RANBP17: variants seen among roughly 807,000 people sequenced by gnomAD.
RANBP17 encodes the protein RAN binding protein 17.
A neutral mutation model predicts 141.2 loss-of-function variants in RANBP17; 158 were observed. The ratio of observed to expected loss-of-function variants is 1.12; its 90% CI spans 0.98 to 1.28. The LOEUF (loss-of-function observed/expected upper bound fraction) is 1.28, where lower values mean the gene tolerates loss of function less well. Ranked by LOEUF, RANBP17 falls within the 50% of genes most tolerant of loss-of-function variation. RANBP17 has a pLI of 0.00. For synonymous variants in RANBP17, 430 were observed against 450.0 expected (o/e 0.96, Z 0.56); for missense variants, 1,438 against 1,290.7 (o/e 1.11, Z -1.75).
chr5:170,918,776 T>C lies in RANBP17; in HGVS notation c.1018T>C (p.Tyr340His). The C allele has an allele frequency of 6.2e-7, 1 of 1,607,632 alleles. No individual in the cohort carries two copies. Among genetic ancestry groups the C allele is most frequent in the South Asian group, 1.1e-5 (1 of 90,392 alleles). The part of the protein sequence containing the change: ...CRFLARLKTN[Y>H]QLGELVMVKE... Reference sequence around the variant, plus strand: ...ATTTTTGGCTCGTTTAAAGACAAATTATCAGCTGGGAGAATTAGTTATGGT... The same window carrying C: ...ATTTTTGGCTCGTTTAAAGACAAATCATCAGCTGGGAGAATTAGTTATGGT... The change falls in exon 10 of 28, where the codon TAT becomes CAT. Residue 340 changes from tyrosine to histidine, a missense_variant. Transcript: ENST00000523189.
At chr5:170,919,359 G>A in intron 10 of RANBP17, 82 bp from the exon 11 acceptor site, 2 of 953,616 alleles carry the variant, frequency 2.1e-6, no homozygotes, top group Non-Finnish European at 3.0e-6. Flanking sequence ...ATTTAAAAAT[G>A]TATGTTTAGT....
chr5:171,100,311 T>C lies in RANBP17; in HGVS notation c.1711-69819T>C, dbSNP rs180826958. 1.3e-3 allele frequency among the ~76,000 whole-genome samples: 202 copies of C among 152,336 alleles called. 1 individual carries two copies. The highest frequency in any genetic ancestry group is 1.9e-3 in the South Asian group (9 of 4,830). ...CTGGTCTATTCAGGGATTTGACTTA[T>C]TCCTGGTTTAGTCTTGGGAAGTTGT... On this transcript the variant is annotated intron_variant, in intron 14 of 27. Transcript: ENST00000523189.
intron 12 of RANBP17, chr5:170,924,808 C>T (rs972928835): frequency 6.7e-6 from 2 of 299,784 alleles, no homozygotes; most frequent in African/African-American, 2.1e-5. Context: ...GATAATGGCC[C>T]TTGAGCAGAT....
intron 14 of RANBP17, among the ~76,000 whole-genome samples, chr5:171,130,431 CTTTT>C (rs72051535): frequency 3.7e-4 from 33 of 90,018 alleles, no homozygotes; most frequent in Non-Finnish European, 5.9e-4. Flanking sequence ...TTTAAAAAGA[CTTTT>C]TTTTTTTTTT....
At chr5:171,074,374 G>A (rs999517016) in intron 14 of RANBP17, among the ~76,000 whole-genome samples, 3 of 152,224 alleles carry the variant, frequency 2.0e-5, no homozygotes, top group East Asian at 1.9e-4. Flanking sequence ...GAAACACGAC[G>A]ATTAAATGCA....
intron 14 of RANBP17, among the ~76,000 whole-genome samples, chr5:171,090,922 A>G (rs1368212794): frequency 6.6e-6 from 1 of 152,208 alleles, no homozygotes; most frequent in Admixed American, 6.5e-5. Context: ...TGCCCAGGTA[A>G]AATTTTGCTG....
At chr5:170,975,736 A>G (rs1777319349) in intron 14 of RANBP17, among the ~76,000 whole-genome samples, 1 of 152,170 alleles carries the variant, frequency 6.6e-6, no homozygotes, top group Non-Finnish European at 1.5e-5. Flanking sequence ...AGATTTTAAC[A>G]TACGAATTTC....
chr5:171,089,874 G>C (rs1786092237), intron 14 of RANBP17, among the ~76,000 whole-genome samples: 1 of 152,226 alleles, frequency 6.6e-6, no homozygotes, highest in Non-Finnish European at 1.5e-5. Context: ...TCCCTAGTGA[G>C]ATGCACCCGG....
intron 14 of RANBP17, among the ~76,000 whole-genome samples, chr5:171,071,411 T>C (rs1784626460): frequency 6.6e-6 from 1 of 151,784 alleles, no homozygotes. Flanking sequence ...AAATTTGAAA[T>C]GGAAAAAGAG....
At chr5:170,892,274 T>G in intron 3 of RANBP17, 113 bp from the exon 4 acceptor site, 1 of 868,672 alleles carries the variant, frequency 1.2e-6, no homozygotes, top group Non-Finnish European at 1.8e-6. Context: ...CATTAGGTAT[T>G]TGTCCTAATG....
intron 22 of RANBP17, among the ~76,000 whole-genome samples, chr5:171,225,454 T>A (rs1763828063): frequency 6.6e-6 from 1 of 152,240 alleles, no homozygotes; most frequent in South Asian, 2.1e-4. Context: ...TAATGTTTTA[T>A]TACCCAGGCT....
At chr5:170,912,607 GT>G (rs1354280521) in intron 7 of RANBP17, among the ~76,000 whole-genome samples, 3 of 151,814 alleles carry the variant, frequency 2.0e-5, no homozygotes, top group Non-Finnish European at 4.4e-5. Flanking sequence ...CAGGACAGTT[GT>G]CAAAATAAAA....
chr5:171,092,097 G>T (rs1389443124), intron 14 of RANBP17, among the ~76,000 whole-genome samples: 1 of 152,018 alleles, frequency 6.6e-6, no homozygotes, highest in African/African-American at 2.4e-5. Flanking sequence ...GATCTTTAAT[G>T]GTTCATTCTA....
chr5:171,044,266 A>G (rs928217661), intron 14 of RANBP17, among the ~76,000 whole-genome samples: 1 of 152,052 alleles, frequency 6.6e-6, no homozygotes, highest in Admixed American at 6.6e-5. Context: ...TTCAGCTTTA[A>G]CAGATTGTAT....
chr5:170,882,495 A>G (rs1768794967), intron 3 of RANBP17, among the ~76,000 whole-genome samples: 2 of 152,172 alleles, frequency 1.3e-5, no homozygotes, highest in Admixed American at 6.5e-5. Context: ...CTCATTTCAC[A>G]AATGAGGAAG....
At chr5:171,200,072 C>G (rs1394918638) in intron 19 of RANBP17, among the ~76,000 whole-genome samples, 1 of 152,134 alleles carries the variant, frequency 6.6e-6, no homozygotes, top group Non-Finnish European at 1.5e-5. Context: ...TTTAAACACC[C>G]CTATTCCCTC....
At chr5:170,994,831 T>C (rs920433945) in intron 14 of RANBP17, among the ~76,000 whole-genome samples, 4 of 152,098 alleles carry the variant, frequency 2.6e-5, no homozygotes, top group Non-Finnish European at 5.9e-5. Context: ...TTATATTCAC[T>C]TTTTACTTTT....
chr5:171,129,416 G>A (rs578244843), intron 14 of RANBP17, among the ~76,000 whole-genome samples: 20 of 152,174 alleles, frequency 1.3e-4, no homozygotes, highest in Admixed American at 5.2e-4. Flanking sequence ...TTAGAAAACG[G>A]CTTCCTCTTC....
In RANBP17 at chr5:171,022,490, G is replaced by A. The variant is rs185278914; in HGVS notation, c.1710+54113G>A. Among the ~76,000 whole-genome samples the A allele has an allele frequency of 1.3e-3, 198 of 152,346 alleles. 1 individual carries two copies. Among genetic ancestry groups the A allele is most frequent in the African/African-American group, 4.6e-3 (193 of 41,590 alleles). On this transcript the variant is annotated intron_variant, in intron 14 of 27. Coordinates refer to ENST00000523189, the MANE Select transcript of RANBP17 (RefSeq NM_022897.5). The stretch of plus-strand genomic sequence containing the variant: ...AGGTTCTGTCCCTGACCCTCTGGCT[G>A]GAGTTACAGAGTTCCTGCAGGGGAA...
Sources: allele counts gnomAD v4.1 joint callset (sites outside exome capture counted in the v4.1 genomes callset), GRCh38; gene constraint gnomAD v4.1.1; transcripts MANE v1.5; gene names NCBI Gene and HGNC (gene_info 2026-07-23, HGNC 2026-07-21).